MACROD2: variants seen among roughly 807,000 people sequenced by gnomAD.
MACROD2 encodes the protein mono-ADP ribosylhydrolase 2.
Under a neutral mutation model 70.4 loss-of-function variants are expected in MACROD2, and 36 were observed. That is an observed-to-expected ratio of 0.51 (90% CI 0.39 to 0.68). The LOEUF (loss-of-function observed/expected upper bound fraction) is 0.68, where lower values mean the gene tolerates loss of function less well. Among genes scored for constraint, MACROD2 ranks in the 30% least tolerant of loss-of-function variants. MACROD2 has a pLI of 0.00. For missense variants in MACROD2, 496 were observed against 538.4 expected (o/e 0.92, Z 0.78); for synonymous variants, 172 against 178.8 (o/e 0.96, Z 0.30).
chr20:14,988,468 T>C (rs1019648335), intron 5 of MACROD2, among the ~76,000 whole-genome samples: 2 of 151,736 alleles, frequency 1.3e-5, no homozygotes, highest in African/African-American at 4.8e-5. Flanking sequence ...CAAGGCGAGG[T>C]TTAAATTTTG....
chr20:15,410,845 A>G (rs1024558777), intron 6 of MACROD2, among the ~76,000 whole-genome samples: 1 of 152,182 alleles, frequency 6.6e-6, no homozygotes, highest in Non-Finnish European at 1.5e-5. Context: ...TCACCCATTC[A>G]ACATATGATC....
At chr20:14,249,606 CT>C (rs967133755) in intron 3 of MACROD2, among the ~76,000 whole-genome samples, 1 of 152,050 alleles carries the variant, frequency 6.6e-6, no homozygotes, top group Non-Finnish European at 1.5e-5. Flanking sequence ...GGGATGCAAA[CT>C]TTTTTGAAGT....
chr20:15,557,213 TAA>T (rs10717426), intron 8 of MACROD2, among the ~76,000 whole-genome samples: 3,348 of 141,354 alleles, frequency 0.024, 126 homozygotes, highest in African/African-American at 0.08. Context: ...GGAGATTCCT[TAA>T]AAAAAAAAAA....
At chr20:15,902,078 A>C (rs979292777) in intron 10 of MACROD2, among the ~76,000 whole-genome samples, 2 of 152,220 alleles carry the variant, frequency 1.3e-5, no homozygotes, top group Non-Finnish European at 2.9e-5. Flanking sequence ...CTGTGCTCCC[A>C]GAAGTCTCCA....
At chr20:15,600,102 A>G (rs13433265) in intron 8 of MACROD2, among the ~76,000 whole-genome samples, 16,593 of 152,070 alleles carry the variant, frequency 0.11, 1,059 homozygotes, top group East Asian at 0.23. Flanking sequence ...CAAGTGGTTA[A>G]TAGCCACTAT....
At chr20:14,231,829 A>G (rs2081816155) in intron 3 of MACROD2, among the ~76,000 whole-genome samples, 1 of 152,130 alleles carries the variant, frequency 6.6e-6, no homozygotes, top group African/African-American at 2.4e-5. Context: ...AATGATTGCC[A>G]TTCTAACTGG....
At chr20:14,799,233 C>T (rs1485841420) in intron 5 of MACROD2, among the ~76,000 whole-genome samples, 1 of 151,982 alleles carries the variant, frequency 6.6e-6, no homozygotes, top group African/African-American at 2.4e-5. Flanking sequence ...GAAATTAAGT[C>T]ATTTTTCCCT....
chr20:15,960,833 A>G (rs1468603337), intron 12 of MACROD2, among the ~76,000 whole-genome samples: 1 of 152,092 alleles, frequency 6.6e-6, no homozygotes, highest in Admixed American at 6.5e-5. Context: ...GGGATAGTCC[A>G]CAGGGAGGTG....
intron 4 of MACROD2, among the ~76,000 whole-genome samples, chr20:14,564,010 G>T (rs1280556748): frequency 6.6e-6 from 1 of 151,874 alleles, no homozygotes; most frequent in South Asian, 2.1e-4. Context: ...ACAGATCAAT[G>T]GAACAGAAAG....
intron 5 of MACROD2, among the ~76,000 whole-genome samples, chr20:14,874,289 C>CATTTATTTATTT (rs150117074): frequency 0.03 from 3,904 of 131,364 alleles, 88 homozygotes; most frequent in African/African-American, 0.053. Context: ...AATGGAGATT[C>CATTTATTTATTT]ATTTATTTAT....
intron 15 of MACROD2, among the ~76,000 whole-genome samples, chr20:16,029,875 G>T (rs927515379): frequency 6.6e-6 from 1 of 152,066 alleles, no homozygotes; most frequent in African/African-American, 2.4e-5. Flanking sequence ...GCAAAATCCC[G>T]GGAATTTCAC....
At chr20:15,946,045 T>G (rs559138847) in intron 12 of MACROD2, among the ~76,000 whole-genome samples, 18 of 152,194 alleles carry the variant, frequency 1.2e-4, no homozygotes, top group African/African-American at 4.3e-4. Flanking sequence ...GACCCTAACC[T>G]AGGAACTACA....
At chr20:16,035,232 GTTTC>G (rs1230993363) in intron 15 of MACROD2, among the ~76,000 whole-genome samples, 1 of 136,902 alleles carries the variant, frequency 7.3e-6, no homozygotes, top group Non-Finnish European at 1.6e-5. Context: ...ATATACCAGA[GTTTC>G]TTTATCCACT....
At chr20:15,863,963 G>T (rs986857907) in intron 9 of MACROD2, among the ~76,000 whole-genome samples, 10 of 152,148 alleles carry the variant, frequency 6.6e-5, no homozygotes, top group African/African-American at 2.2e-4. Context: ...TTAATTTAAG[G>T]CTTCAACTAA....
At chr20:15,466,703 G>A (rs968419301) in intron 7 of MACROD2, among the ~76,000 whole-genome samples, 6 of 152,152 alleles carry the variant, frequency 3.9e-5, no homozygotes, top group African/African-American at 1.4e-4. Context: ...GAAGAAAAGA[G>A]ACTGTATTAT....
intron 3 of MACROD2, among the ~76,000 whole-genome samples, chr20:14,491,157 G>A (rs1402595243): frequency 6.6e-6 from 1 of 152,160 alleles, no homozygotes; most frequent in African/African-American, 2.4e-5. Context: ...TTATTGGAGT[G>A]CTTTGTGGAG....
chr20:15,421,684 T>G (rs2046230736), intron 6 of MACROD2, among the ~76,000 whole-genome samples: 1 of 152,220 alleles, frequency 6.6e-6, no homozygotes, highest in Non-Finnish European at 1.5e-5. Context: ...AATCATTTAT[T>G]CATTTATCCA....
At chr20:14,456,792 A>G (rs1263904262) in intron 3 of MACROD2, among the ~76,000 whole-genome samples, 1 of 143,532 alleles carries the variant, frequency 7.0e-6, no homozygotes, top group Admixed American at 7.4e-5. Context: ...TCTCGGCTCA[A>G]TGCAAGCCCC....
chr20:15,813,646 G>A (rs985222959), intron 8 of MACROD2, among the ~76,000 whole-genome samples: 2 of 152,094 alleles, frequency 1.3e-5, no homozygotes, highest in Non-Finnish European at 2.9e-5. Flanking sequence ...AGGCATGGTG[G>A]CACATGCTTG....
Sources: gnomAD v4.1 joint callset for allele counts (sites outside exome capture counted in the v4.1 genomes callset) on GRCh38, gnomAD v4.1.1 for gene constraint, MANE v1.5 for transcripts, NCBI Gene and HGNC (gene_info 2026-07-23, HGNC 2026-07-21) for gene names.